Variants in CWC27 observed in about 807,000 individuals in gnomAD.
CWC27 encodes spliceosome-associated protein CWC27 homolog.
A neutral mutation model predicts 63.6 loss-of-function variants in CWC27; 47 were observed. The ratio of observed to expected loss-of-function variants is 0.74; its 90% confidence interval spans 0.58 to 0.94. The LOEUF is 0.94. CWC27 is among the 40% of genes least tolerant of loss of function. The pLI, the probability that CWC27 is intolerant of heterozygous loss-of-function variation, is 0.00. For synonymous variants in CWC27, 175 were observed against 179.8 expected (o/e 0.97, Z 0.22); for missense variants, 495 against 554.3 (o/e 0.89, Z 1.07).
chr5:64,946,415 A>G (rs969883403), intron 11 of CWC27, among the ~76,000 whole-genome samples: 1 of 152,214 alleles, frequency 6.6e-6, no homozygotes, highest in Admixed American at 6.6e-5. Flanking sequence ...TTCAAAATGC[A>G]TTTCTAGATT....
chr5:64,887,758 T>C (rs1747111927), intron 11 of CWC27, among the ~76,000 whole-genome samples: 1 of 152,206 alleles, frequency 6.6e-6, no homozygotes, highest in South Asian at 2.1e-4. Flanking sequence ...ATGTGGTATT[T>C]ACTAAAATCA....
intron 13 of CWC27, among the ~76,000 whole-genome samples, chr5:64,986,693 C>T (rs769859081): frequency 2.0e-5 from 3 of 152,086 alleles, no homozygotes; most frequent in Admixed American, 1.3e-4. Context: ...GAGCCCCCCC[C>T]GGACTGGGCC....
intron 13 of CWC27, among the ~76,000 whole-genome samples, chr5:65,004,608 C>A (rs1317666915): frequency 6.7e-6 from 1 of 150,174 alleles, no homozygotes; most frequent in East Asian, 1.9e-4. Flanking sequence ...TTTCTGATTT[C>A]TTTGTATTGT....
At chr5:64,897,285 C>G (rs1397509100) in intron 11 of CWC27, among the ~76,000 whole-genome samples, 1 of 152,126 alleles carries the variant, frequency 6.6e-6, no homozygotes, top group East Asian at 1.9e-4. Flanking sequence ...CACATGCACA[C>G]GTATGTTTAT....
At chr5:64,795,328 G>T (rs924153365) in intron 7 of CWC27, among the ~76,000 whole-genome samples, 1 of 152,080 alleles carries the variant, frequency 6.6e-6, no homozygotes, top group Non-Finnish European at 1.5e-5. Flanking sequence ...TTTTACAAAG[G>T]TGTTAACATA....
intron 10 of CWC27, among the ~76,000 whole-genome samples, chr5:64,865,062 A>G (rs1746502762): frequency 6.6e-6 from 1 of 152,082 alleles, no homozygotes; most frequent in African/African-American, 2.4e-5. Context: ...TATTCCACAA[A>G]TATTTATTAT....
At chr5:64,883,749 G>A (rs1364631719) in intron 10 of CWC27, among the ~76,000 whole-genome samples, 3 of 152,216 alleles carry the variant, frequency 2.0e-5, no homozygotes, top group Non-Finnish European at 4.4e-5. Flanking sequence ...AAAGCAGACT[G>A]TATAGGTAAA....
At chr5:64,875,070 A>G (rs1284653174) in intron 10 of CWC27, among the ~76,000 whole-genome samples, 1 of 148,258 alleles carries the variant, frequency 6.7e-6, no homozygotes, top group African/African-American at 2.4e-5. Flanking sequence ...GTGCTTAGAC[A>G]GAATAGCAAT....
At chr5:64,977,951 T>A (rs1474651599) in intron 13 of CWC27, among the ~76,000 whole-genome samples, 1 of 152,180 alleles carries the variant, frequency 6.6e-6, no homozygotes, top group Non-Finnish European at 1.5e-5. Flanking sequence ...GCCACATTGC[T>A]GCAAGCAAGC....
At chr5:64,784,405 C>A (rs1304819519) in intron 4 of CWC27, among the ~76,000 whole-genome samples, 1 of 152,158 alleles carries the variant, frequency 6.6e-6, no homozygotes, top group Non-Finnish European at 1.5e-5. Flanking sequence ...GTAAATATTA[C>A]TTTGAATAGT....
intron 2 of CWC27, among the ~76,000 whole-genome samples, chr5:64,780,953 G>T (rs867189744): frequency 1.3e-5 from 2 of 151,970 alleles, no homozygotes; most frequent in Admixed American, 6.6e-5. Context: ...TATGCATGTT[G>T]GTCATTATTG....
intron 10 of CWC27, among the ~76,000 whole-genome samples, chr5:64,843,235 AC>A (rs919435949): frequency 6.6e-6 from 1 of 152,110 alleles, no homozygotes; most frequent in Non-Finnish European, 1.5e-5. Context: ...AGATTTTAAT[AC>A]CTCTACTGTT....
Position 64,906,610 on chromosome 5 carries a change from T to C in CWC27, c.1042+21064T>C, listed in dbSNP as rs187468971. On this transcript the variant is annotated intron_variant, in intron 11 of 13. Coordinates refer to ENST00000381070, the MANE Select transcript of CWC27 (RefSeq NM_005869.4). ...GATAGATTGCAAAAATTTTCTCCCA[T>C]TCTGTAGGTTGCGTATTCACTCTGA... is the stretch of plus-strand genomic sequence containing the variant. 2.7e-4 allele frequency among the ~76,000 whole-genome samples: 41 copies of C among 151,866 alleles called. No individual in the cohort carries two copies. In the East Asian group the frequency reaches 7.5e-3, roughly 28 times the overall value.
intron 10 of CWC27, among the ~76,000 whole-genome samples, chr5:64,840,410 TATATATATATATATATATATAC>T (rs1561430574): frequency 3.8e-5 from 3 of 79,396 alleles, no homozygotes; most frequent in East Asian, 4.0e-4. Context: ...TATATATATA[TATATATATATATATATATATAC>T]TTATTAAGGA....
At chr5:64,972,804 C>T in intron 12 of CWC27, 1 of 396,830 alleles carries the variant, frequency 2.5e-6, no homozygotes, top group Non-Finnish European at 5.0e-6. Flanking sequence ...TAAGAACCTG[C>T]CATGTACTAA....
At chr5:64,973,313 C>T (rs1425288879) in intron 12 of CWC27, among the ~76,000 whole-genome samples, 1 of 152,196 alleles carries the variant, frequency 6.6e-6, no homozygotes, top group African/African-American at 2.4e-5. Flanking sequence ...GAAGATCTCT[C>T]TAACTGGGCT....
chr5:64,795,886 G>A (rs987668022), intron 7 of CWC27, among the ~76,000 whole-genome samples: 1 of 152,006 alleles, frequency 6.6e-6, no homozygotes, highest in Non-Finnish European at 1.5e-5. Context: ...GGCCTTCTTT[G>A]TAGTTCTAGA....
At chr5:64,771,784 G>C (rs949834911) in intron 1 of CWC27, among the ~76,000 whole-genome samples, 3 of 152,180 alleles carry the variant, frequency 2.0e-5, no homozygotes, top group African/African-American at 7.2e-5. Context: ...GATGACCAAA[G>C]AGAATGTATG....
intron 10 of CWC27, among the ~76,000 whole-genome samples, chr5:64,826,096 T>TATCTATCTATCTATCTATCTATCTATCC (rs1232141015): frequency 6.6e-6 from 1 of 152,086 alleles, no homozygotes; most frequent in Admixed American, 6.5e-5. Flanking sequence ...TCTATCTATC[T>TATCTATCTATCTATCTATCTATCTATCC]ATCTATCTAT....
Sources: gnomAD v4.1 joint callset for allele counts (sites outside exome capture counted in the v4.1 genomes callset) on GRCh38, gnomAD v4.1.1 for gene constraint, MANE v1.5 for transcripts, NCBI Gene and HGNC (gene_info 2026-07-23, HGNC 2026-07-21) for gene names.